The following DEPDC5 variants were observed in gnomAD, a reference collection of about 807,000 sequenced individuals.
DEPDC5 encodes the protein DEP domain containing 5, GATOR1 subcomplex subunit.
Under a neutral mutation model 217.3 loss-of-function variants are expected in DEPDC5, and 73 were observed. The ratio of observed to expected loss-of-function variants is 0.34; its 90% CI spans 0.28 to 0.41. DEPDC5 has a LOEUF of 0.41. Ranked by LOEUF, DEPDC5 falls within the 10% of genes least tolerant of loss-of-function variation. The probability of loss-of-function intolerance (pLI) is 1.00; values close to 1 mark genes in which losing one functional copy is unlikely to be tolerated. For synonymous variants in DEPDC5, 733 were observed against 756.7 expected, an observed-to-expected ratio of 0.97 and a Z score of 0.51; for missense variants, 1,675 against 2,070.1, an observed-to-expected ratio of 0.81 and a Z score of 3.70.
At chr22:31,868,809 A>G (rs966294951) in intron 33 of DEPDC5, among the ~76,000 whole-genome samples, 1 of 152,174 alleles carries the variant, frequency 6.6e-6, no homozygotes, top group African/African-American at 2.4e-5. Flanking sequence ...AAAAACCTCA[A>G]GTTAGGAGGT....
intron 33 of DEPDC5, among the ~76,000 whole-genome samples, chr22:31,867,145 C>T (rs470072): frequency 0.35 from 52,937 of 152,028 alleles, 11,451 homozygotes; most frequent in East Asian, 0.6. Context: ...AATCTACGTG[C>T]GACATCTGCC....
Position 31,906,359 on chromosome 22 carries a change from G to A in DEPDC5, c.4674G>A (p.Trp1558Ter). The part of the protein sequence containing the change: ...WAYNTMLTKT[W>*]RSSATGDEKF... ...ACAACACCATGCTCACCAAAACATG[G>A]CGCTCCAGCGCCACAGGGGATGAAA... The change falls in exon 43 of 43, where the codon TGG (tryptophan) becomes TGA (stop). Residue 1558 changes from tryptophan (W) to a stop codon, truncating the protein, a stop_gained. Transcript: ENST00000651528. LOFTEE classifies it high-confidence loss of function. This position sits in a 1 kb window ranked among gnomAD's most constrained non-coding sequence, Gnocchi z 5.1. 6.2e-7 allele frequency: 1 copy of A among 1,614,056 alleles called. No individual in the cohort carries two copies. The highest frequency in any genetic ancestry group is 8.5e-7 in the Non-Finnish European group (1 of 1,179,954).
chr22:31,833,655 G>C lies in DEPDC5; in HGVS notation c.2105-260G>C, dbSNP rs2090769695. On this transcript the variant is annotated intron_variant, in intron 24 of 42. Coordinates refer to ENST00000651528, the MANE Select transcript of DEPDC5 (RefSeq NM_001242896.3). The stretch of plus-strand genomic sequence containing the variant: ...GTCCGTTTTCTTAAAATAAGTGGCA[G>C]GTTGCTCGTGTTTGTGTGATCTCTT... Among the ~76,000 whole-genome samples the C allele has an allele frequency of 4.6e-5, 7 of 152,136 alleles. No individual in the cohort carries two copies. The South Asian group carries it at 1.5e-3, about 32-fold the overall frequency.
intron 38 of DEPDC5, among the ~76,000 whole-genome samples, chr22:31,887,355 G>C (rs929404142): frequency 6.8e-6 from 1 of 147,106 alleles, no homozygotes; most frequent in Admixed American, 6.9e-5. Flanking sequence ...GGAGGCAGAG[G>C]TTACAGTGTG....
At chr22:31,833,456 T>C (rs923076746) in intron 24 of DEPDC5, among the ~76,000 whole-genome samples, 2 of 152,194 alleles carry the variant, frequency 1.3e-5, no homozygotes, top group Non-Finnish European at 2.9e-5. Flanking sequence ...ATGAGTGGAT[T>C]AAATTTAAAT....
intron 21 of DEPDC5, chr22:31,816,401 T>C (rs1339965960): frequency 6.6e-6 from 1 of 152,066 alleles, no homozygotes; most frequent in Non-Finnish European, 1.5e-5. Flanking sequence ...TATCAGTTTT[T>C]GTTTCTTCAG....
At chr22:31,826,494 A>C (rs2090154735) in intron 24 of DEPDC5, 1 of 428,888 alleles carries the variant, frequency 2.3e-6, no homozygotes. Flanking sequence ...GTTCCTCTCT[A>C]TAGAATATGC....
At chr22:31,842,775 T>C (rs890872737) in intron 27 of DEPDC5, among the ~76,000 whole-genome samples, 2 of 152,142 alleles carry the variant, frequency 1.3e-5, no homozygotes, top group Admixed American at 1.3e-4. Flanking sequence ...AGTTCCATTT[T>C]AGTAACACAG....
chr22:31,785,569 C>G (rs1489393738), intron 10 of DEPDC5, among the ~76,000 whole-genome samples: 1 of 147,698 alleles, frequency 6.8e-6, no homozygotes, highest in East Asian at 2.0e-4. Flanking sequence ...AATGCAGTTC[C>G]TATCAAAATA....
chr22:31,802,461 G>A (rs1029039669), intron 14 of DEPDC5, among the ~76,000 whole-genome samples: 3 of 152,132 alleles, frequency 2.0e-5, no homozygotes, highest in African/African-American at 7.2e-5. Context: ...ATTTAAGGCT[G>A]CACAGGGCAA....
chr22:31,878,537 A>G (rs1018851336), intron 37 of DEPDC5, among the ~76,000 whole-genome samples: 3 of 149,654 alleles, frequency 2.0e-5, no homozygotes, highest in African/African-American at 7.4e-5. Context: ...GCGAAACCCC[A>G]TCTCTACAGG....
intron 12 of DEPDC5, among the ~76,000 whole-genome samples, chr22:31,796,167 C>T (rs1251216909): frequency 2.1e-5 from 3 of 143,942 alleles, no homozygotes; most frequent in East Asian, 2.0e-4. Flanking sequence ...GTGGTGGGAT[C>T]TTGGCTCACT....
At chr22:31,899,553 G>A (rs1448149068) in intron 40 of DEPDC5, among the ~76,000 whole-genome samples, 1 of 151,982 alleles carries the variant, frequency 6.6e-6, no homozygotes, top group Non-Finnish European at 1.5e-5. Flanking sequence ...TCATGCCCAG[G>A]TAATTTTTTT....
At chr22:31,766,490 G>T in intron 5 of DEPDC5, 95 bp from the exon 6 acceptor site, 1 of 1,237,780 alleles carries the variant, frequency 8.1e-7, no homozygotes, top group Non-Finnish European at 1.2e-6. Flanking sequence ...TTTCTTTTTT[G>T]CAATAAGTTT....
At chr22:31,777,935 A>G in intron 7 of DEPDC5, 164 bp from the exon 8 acceptor site, 2 of 672,494 alleles carry the variant, frequency 3.0e-6, no homozygotes, top group Non-Finnish European at 5.1e-6. Flanking sequence ...TTTAGTATAG[A>G]TGGGGTTTCA....
chr22:31,886,498 G>A (rs994007653), intron 38 of DEPDC5, among the ~76,000 whole-genome samples: 3 of 152,042 alleles, frequency 2.0e-5, no homozygotes, highest in African/African-American at 4.8e-5. Flanking sequence ...GGTGGCTCAC[G>A]GCTGTAATCC....
At chr22:31,815,334 G>C in intron 21 of DEPDC5, 122 bp downstream of exon 21, 1 of 973,072 alleles carries the variant, frequency 1.0e-6, no homozygotes, top group Non-Finnish European at 1.6e-6. Context: ...TTCTTTGCCA[G>C]TGCAGTAGGT....
At position 31,815,112 on chromosome 22, in the gene DEPDC5, C is replaced by A. The variant is rs200893602; in HGVS notation, c.1566C>A (p.Asp522Glu). 2.5e-6 allele frequency: 4 copies of A among 1,614,056 alleles called. No homozygotes were observed. The highest frequency in any genetic ancestry group is 2.2e-5 in the East Asian group (1 of 44,898). ...PTEEVRSQAS[D>E]DSSLGKSANI... is the part of the protein sequence containing the mutation. ...AGGAAGTGAGGAGCCAGGCTTCTGA[C>A]GACAGCTCCCTAGGCAAGAGTGCCA... Residue 522 changes from aspartate (D) to glutamate (E), a missense_variant, in exon 21 of 43, where the codon GAC becomes GAA. By Grantham distance (45) the Asp-to-Glu change is conservative (BLOSUM62 2). This residue lies in a region of DEPDC5 where 628 missense variants were observed against 762.1 expected (regional missense o/e 0.82). Transcript: ENST00000651528.
At chr22:31,826,743 G>A (rs765507792) in intron 24 of DEPDC5, among the ~76,000 whole-genome samples, 1 of 152,174 alleles carries the variant, frequency 6.6e-6, no homozygotes, top group Non-Finnish European at 1.5e-5. Context: ...TAGACTGAAA[G>A]AGCTTATCTT....
Sources: gnomAD v4.1 joint callset for allele counts (sites outside exome capture counted in the v4.1 genomes callset) on GRCh38, gnomAD v4.1.1 for gene constraint, gnomAD v4.1.1 regional missense constraint, Gnocchi (gnomAD v3.1) non-coding constraint, MANE v1.5 for transcripts, NCBI Gene and HGNC (gene_info 2026-07-23, HGNC 2026-07-21) for gene names.